MAML2: variants seen among roughly 807,000 people sequenced by gnomAD.
The protein encoded by MAML2 is mastermind like transcriptional coactivator 2, also known as mastermind-like protein 2.
A neutral mutation model predicts 96.1 loss-of-function variants in MAML2; 22 were observed. The ratio of observed to expected loss-of-function variants is 0.23; its 90% confidence interval spans 0.16 to 0.33. The LOEUF is 0.33. Ranked by LOEUF, MAML2 falls within the 10% of genes least tolerant of loss-of-function variation. The probability of loss-of-function intolerance (pLI) is 1.00; values close to 1 mark genes in which losing one functional copy is unlikely to be tolerated. For synonymous variants in MAML2, 561 were observed against 521.3 expected (o/e 1.08, Z -1.04); for missense variants, 1,367 against 1,392.4 (o/e 0.98, Z 0.29).
intron 1 of MAML2, among the ~76,000 whole-genome samples, chr11:96,108,158 G>A (rs1467860203): frequency 1.3e-5 from 2 of 152,138 alleles, no homozygotes; most frequent in African/African-American, 4.8e-5. Flanking sequence ...TGCTATCTCA[G>A]GTAGACAGTG....
At chr11:96,034,818 A>G (rs1858686671) in intron 2 of MAML2, among the ~76,000 whole-genome samples, 1 of 152,146 alleles carries the variant, frequency 6.6e-6, no homozygotes, top group Admixed American at 6.6e-5. Flanking sequence ...TCTAGATGGC[A>G]TTTTTGGGGG....
chr11:96,148,576 C>T (rs1466290018), intron 1 of MAML2, among the ~76,000 whole-genome samples: 7 of 120,102 alleles, frequency 5.8e-5, no homozygotes, highest in Admixed American at 5.4e-4. Context: ...TTATTTAATG[C>T]ATTGCTTTCC....
In MAML2 at chr11:96,092,997, C is replaced by T. The variant is rs775401807; in HGVS notation, c.1034G>A (p.Gly345Asp). 5 of 1,613,850 alleles carry T rather than the reference C, an allele frequency of 3.1e-6. No individual in the cohort carries two copies. In the Admixed American group the frequency reaches 5.0e-5, roughly 16 times the overall value. Residue 345 changes from glycine to aspartate, a missense_variant, in exon 2 of 5, where the codon GGT (glycine) becomes GAT (aspartate). Transcript: ENST00000524717. This position sits in a 1 kb window ranked among gnomAD's most constrained non-coding sequence, Gnocchi z 4.1. ...AGGTGTGCTCCTCTGGCTTTGCTGA[C>T]CCAAGTCAATGTTAAATGGGTCATC... ...KQDDPFNIDL[G>D]QQSQRSTPRP...
intron 1 of MAML2, among the ~76,000 whole-genome samples, chr11:96,258,441 G>A (rs1369610210): frequency 1.3e-5 from 2 of 152,202 alleles, no homozygotes; most frequent in African/African-American, 4.8e-5. Context: ...GCTTACATGT[G>A]TTTAAAACCC....
At chr11:96,274,349 T>C (rs569106447) in intron 1 of MAML2, among the ~76,000 whole-genome samples, 2 of 152,310 alleles carry the variant, frequency 1.3e-5, no homozygotes, top group Non-Finnish European at 2.9e-5. Context: ...TCCAAAGTAC[T>C]GGGAATACAG....
intron 2 of MAML2, among the ~76,000 whole-genome samples, 165 bp downstream of exon 2, chr11:96,091,727 G>T (rs1859708899): frequency 6.6e-6 from 1 of 152,100 alleles, no homozygotes; most frequent in African/African-American, 2.4e-5. Context: ...GCCTCTAGAT[G>T]CCCTCAACGA....
intron 2 of MAML2, among the ~76,000 whole-genome samples, chr11:96,034,636 C>T (rs1406369093): frequency 6.6e-6 from 1 of 152,130 alleles, no homozygotes; most frequent in Admixed American, 6.5e-5. Context: ...TCAAATTCTG[C>T]CCAGAATACC....
chr11:96,022,119 T>C (rs1858445298), intron 2 of MAML2, among the ~76,000 whole-genome samples: 1 of 152,218 alleles, frequency 6.6e-6, no homozygotes, highest in South Asian at 2.1e-4. Flanking sequence ...TCTCTATCAC[T>C]GCTCCTGCTC....
At chr11:96,292,577 T>C (rs1241127394) in intron 1 of MAML2, among the ~76,000 whole-genome samples, 3 of 152,206 alleles carry the variant, frequency 2.0e-5, no homozygotes, top group Non-Finnish European at 4.4e-5. Flanking sequence ...CTAAAGGCCA[T>C]ACTCTTTCCA....
chr11:96,086,079 C>T (rs955096563), intron 2 of MAML2, among the ~76,000 whole-genome samples: 1 of 152,148 alleles, frequency 6.6e-6, no homozygotes, highest in South Asian at 2.1e-4. Flanking sequence ...ATTGAGAAAA[C>T]GTAATGTAAT....
At chr11:96,039,327 G>A (rs989220088) in intron 2 of MAML2, among the ~76,000 whole-genome samples, 1 of 145,372 alleles carries the variant, frequency 6.9e-6, no homozygotes, top group African/African-American at 2.6e-5. Context: ...GAGGAGGAGA[G>A]GAGGGGAGGG....
intron 2 of MAML2, among the ~76,000 whole-genome samples, chr11:96,027,736 T>G (rs540143437): frequency 1.3e-5 from 2 of 152,236 alleles, no homozygotes; most frequent in South Asian, 4.1e-4. Flanking sequence ...TTTTATTGTT[T>G]TATTTTACTT....
intron 1 of MAML2, among the ~76,000 whole-genome samples, chr11:96,276,328 C>A (rs1042968271): frequency 2.0e-5 from 3 of 152,090 alleles, no homozygotes; most frequent in Admixed American, 1.3e-4. Flanking sequence ...GCTGTTACAC[C>A]CTTGCCATCT....
chr11:96,166,425 ATTTTCTTG>A (rs1861196816), intron 1 of MAML2, among the ~76,000 whole-genome samples: 1 of 151,986 alleles, frequency 6.6e-6, no homozygotes, highest in Admixed American at 6.6e-5. Flanking sequence ...TTGTTTCCTT[ATTTTCTTG>A]TTTTCTTATT....
At chr11:96,011,687 G>A (rs1858269209) in intron 2 of MAML2, among the ~76,000 whole-genome samples, 1 of 152,026 alleles carries the variant, frequency 6.6e-6, no homozygotes, top group African/African-American at 2.4e-5. Flanking sequence ...TAACCATGGA[G>A]CAAATCTGCA....
Position 96,292,871 on chromosome 11 carries a change from AGCTGTC to A in MAML2, c.513+48506_513+48511del, listed in dbSNP as rs1863234150. Among the ~76,000 whole-genome samples, 4 of 152,266 alleles carry A rather than the reference AGCTGTC, an allele frequency of 2.6e-5. No individual in the cohort carries two copies. The South Asian group carries it at 8.3e-4, about 32-fold the overall frequency. ...AGGAGAGAAATAGGGAGCAAAGTCTAGCTGTCTCACAGAAGGCAGCCCTAGACCACA... is the reference window on the plus strand; with the variant it reads ...AGGAGAGAAATAGGGAGCAAAGTCTATCACAGAAGGCAGCCCTAGACCACA... On this transcript the variant is annotated intron_variant, in intron 1 of 4. Coordinates refer to ENST00000524717, the MANE Select transcript of MAML2 (RefSeq NM_032427.4).
intron 1 of MAML2, among the ~76,000 whole-genome samples, chr11:96,240,545 G>A (rs1352513602): frequency 3.4e-5 from 2 of 58,618 alleles, no homozygotes; most frequent in Non-Finnish European, 6.6e-5. Context: ...GCGACAGAGC[G>A]AGACTCCGTC....
At chr11:96,176,001 A>G (rs541178912) in intron 1 of MAML2, among the ~76,000 whole-genome samples, 4 of 152,100 alleles carry the variant, frequency 2.6e-5, no homozygotes, top group African/African-American at 7.2e-5. Context: ...GGAAAAAAAG[A>G]CTCCTCAATG....
At chr11:96,166,175 T>TCACACACACA (rs1283060567) in intron 1 of MAML2, among the ~76,000 whole-genome samples, 5 of 101,822 alleles carry the variant, frequency 4.9e-5, no homozygotes, top group African/African-American at 1.6e-4. Context: ...TCTCTCTCTC[T>TCACACACACA]CTCACACACA....
Sources: allele counts gnomAD v4.1 joint callset (sites outside exome capture counted in the v4.1 genomes callset), GRCh38; gene constraint gnomAD v4.1.1; non-coding constraint Gnocchi (gnomAD v3.1); transcripts MANE v1.5; gene names NCBI Gene and HGNC (gene_info 2026-07-23, HGNC 2026-07-21).